The following ADCY2 variants were observed in gnomAD, a reference collection of about 807,000 sequenced individuals.
ADCY2 encodes the protein adenylate cyclase type 2.
A neutral mutation model predicts 125.2 loss-of-function variants in ADCY2; 31 were observed. The observed-to-expected ratio is 0.25, with a 90% CI of 0.19 to 0.33. The LOEUF is 0.33. ADCY2 is among the 10% of genes least tolerant of loss of function. The pLI is 1.00. For missense variants in ADCY2, 904 were observed against 1,418.2 expected (o/e 0.64, Z 5.82); for synonymous variants, 512 against 548.4 (o/e 0.93, Z 0.93).
At chr5:7,452,735 C>T (rs1741520073) in intron 2 of ADCY2, among the ~76,000 whole-genome samples, 2 of 152,114 alleles carry the variant, frequency 1.3e-5, no homozygotes, top group Admixed American at 6.5e-5. Flanking sequence ...TAAGTGTTCC[C>T]TTTTCACCAC....
rs1560953446 is a variant in ADCY2 at position 7,757,543 on chromosome 5, T to C, written c.2051T>C (p.Ile684Thr). ...CCCTGGCCACGGATCTCTCTCACGATCATCACCACAGCCATCATATTAATG... is the reference window on the plus strand; with the variant it reads ...CCCTGGCCACGGATCTCTCTCACGACCATCACCACAGCCATCATATTAATG... The part of the protein sequence containing the change: ...NRPWPRISLT[I>T]ITTAIILMMA... The change falls in exon 16 of 25, where the codon ATC becomes ACC. Residue 684 changes from isoleucine (I) to threonine (T), a missense_variant. Physicochemically the swap from Ile to Thr is moderately conservative, Grantham distance 89. This residue lies in a region of ADCY2 where 221 missense variants were observed against 246.2 expected (regional missense o/e 0.90). Transcript: ENST00000338316. 1 of 1,603,874 alleles carries C rather than the reference T, an allele frequency of 6.2e-7. No homozygotes were observed. Among genetic ancestry groups the C allele is most frequent in the Non-Finnish European group, 8.5e-7 (1 of 1,177,032 alleles).
chr5:7,493,564 T>C (rs1743242035), intron 2 of ADCY2, among the ~76,000 whole-genome samples: 1 of 152,112 alleles, frequency 6.6e-6, no homozygotes. Flanking sequence ...ATGTCTACAA[T>C]GTGGGGTTAG....
At chr5:7,498,240 T>TG (rs1491419154) in intron 2 of ADCY2, among the ~76,000 whole-genome samples, 23 of 51,134 alleles carry the variant, frequency 4.5e-4, no homozygotes, top group African/African-American at 1.4e-3. Flanking sequence ...TCTTTTTTCG[T>TG]TTTTTTTTTT....
intron 2 of ADCY2, among the ~76,000 whole-genome samples, chr5:7,487,413 C>A (rs1742978143): frequency 6.6e-6 from 1 of 152,180 alleles, no homozygotes; most frequent in East Asian, 1.9e-4. Context: ...CTTTTATGGG[C>A]CTCATCATAA....
At chr5:7,634,970 T>C (rs960705673) in intron 4 of ADCY2, among the ~76,000 whole-genome samples, 2 of 152,112 alleles carry the variant, frequency 1.3e-5, no homozygotes, top group African/African-American at 2.4e-5. Flanking sequence ...AAATATGAAT[T>C]GCTGAAGGTC....
Position 7,441,011 on chromosome 5 carries a change from C to T in ADCY2, c.408+26241C>T, listed in dbSNP as rs74601004. On this transcript the variant is annotated intron_variant, in intron 2 of 24. Coordinates refer to ENST00000338316, the MANE Select transcript of ADCY2 (RefSeq NM_020546.3). Reference sequence around the variant, plus strand: ...AGGGAACGGAGCTGCAGAAATTGAACGTGGTTTTGTACCTTTGGAGGATGG... The same window carrying T: ...AGGGAACGGAGCTGCAGAAATTGAATGTGGTTTTGTACCTTTGGAGGATGG... Among the ~76,000 whole-genome samples the T allele has an allele frequency of 3.0e-3, 455 of 152,198 alleles. 9 individuals are homozygous for T. The highest frequency in any genetic ancestry group is 0.025 in the Admixed American group (375 of 15,290).
At chr5:7,560,671 A>G (rs1735679705) in intron 3 of ADCY2, among the ~76,000 whole-genome samples, 1 of 151,994 alleles carries the variant, frequency 6.6e-6, no homozygotes, top group Non-Finnish European at 1.5e-5. Flanking sequence ...TAATGTGAAA[A>G]AAGTCTGTCC....
At chr5:7,770,677 C>T (rs901680492) in intron 17 of ADCY2, among the ~76,000 whole-genome samples, 8 of 152,060 alleles carry the variant, frequency 5.3e-5, no homozygotes, top group Non-Finnish European at 8.8e-5. Flanking sequence ...TTGGGGAATC[C>T]GAGGGGACAG....
chr5:7,407,248 G>T (rs1323493814), intron 1 of ADCY2, among the ~76,000 whole-genome samples: 2 of 152,184 alleles, frequency 1.3e-5, no homozygotes. Flanking sequence ...TAAGGCACTG[G>T]TTTGGGTGGA....
intron 14 of ADCY2, among the ~76,000 whole-genome samples, chr5:7,740,873 C>T (rs1742384946): frequency 6.6e-6 from 1 of 151,736 alleles, no homozygotes; most frequent in Non-Finnish European, 1.5e-5. Context: ...TATTTTCTAA[C>T]AAATGACAAT....
chr5:7,661,792 A>G (rs568367266), intron 4 of ADCY2, among the ~76,000 whole-genome samples: 17 of 152,330 alleles, frequency 1.1e-4, no homozygotes, highest in African/African-American at 3.6e-4. Flanking sequence ...GACTCATTGA[A>G]TCTTTATTTG....
intron 3 of ADCY2, among the ~76,000 whole-genome samples, chr5:7,524,240 C>T (rs1360329294): frequency 1.3e-5 from 2 of 152,154 alleles, no homozygotes; most frequent in Non-Finnish European, 2.9e-5. Flanking sequence ...TGTTTTGAAA[C>T]AATAACAGAC....
At chr5:7,487,687 A>G (rs1250107518) in intron 2 of ADCY2, among the ~76,000 whole-genome samples, 1 of 152,046 alleles carries the variant, frequency 6.6e-6, no homozygotes, top group East Asian at 1.9e-4. Flanking sequence ...TTTTCTTCCC[A>G]TTTTCCCAAT....
chr5:7,654,095 G>A (rs1398507314), intron 4 of ADCY2: 9 of 456,116 alleles, frequency 2.0e-5, no homozygotes, highest in South Asian at 6.2e-5. Flanking sequence ...GAGGCTGGGC[G>A]CAGTCACCAC....
chr5:7,716,145 T>C (rs1741585030), intron 11 of ADCY2, among the ~76,000 whole-genome samples: 1 of 152,218 alleles, frequency 6.6e-6, no homozygotes, highest in South Asian at 2.1e-4. Context: ...AAGTATCTTA[T>C]ATTATGGCTA....
chr5:7,742,436 T>A (rs1354887612), intron 14 of ADCY2, among the ~76,000 whole-genome samples: 1 of 152,182 alleles, frequency 6.6e-6, no homozygotes, highest in African/African-American at 2.4e-5. Context: ...ACAAGTATTA[T>A]TATCAGGCCA....
intron 10 of ADCY2, among the ~76,000 whole-genome samples, chr5:7,710,728 A>C (rs1741412923): frequency 6.6e-6 from 1 of 152,140 alleles, no homozygotes; most frequent in Non-Finnish European, 1.5e-5. Flanking sequence ...AGTCATGGAG[A>C]ATCTTAGCAA....
At chr5:7,752,862 G>A (rs910685344) in intron 15 of ADCY2, among the ~76,000 whole-genome samples, 3 of 146,326 alleles carry the variant, frequency 2.1e-5, no homozygotes, top group Non-Finnish European at 4.5e-5. Context: ...ACTGCTCGTT[G>A]TCCCCATCAT....
intron 2 of ADCY2, among the ~76,000 whole-genome samples, chr5:7,436,390 C>T (rs886697005): frequency 6.6e-5 from 10 of 152,204 alleles, no homozygotes; most frequent in African/African-American, 2.4e-4. Context: ...CACATTCTAT[C>T]TCTATCGTTG....
Sources: gnomAD v4.1 joint callset for allele counts (sites outside exome capture counted in the v4.1 genomes callset) on GRCh38, gnomAD v4.1.1 for gene constraint, gnomAD v4.1.1 regional missense constraint, MANE v1.5 for transcripts, NCBI Gene and HGNC (gene_info 2026-07-23, HGNC 2026-07-21) for gene names.